The following PTGES3 variants were observed in gnomAD, a reference collection of about 807,000 sequenced individuals.
The protein encoded by PTGES3 is Hsp90 co-chaperone.
Under a neutral mutation model 29.9 loss-of-function variants are expected in PTGES3, and 5 were observed. The ratio of observed to expected loss-of-function variants is 0.17; its 90% CI spans 0.09 to 0.35. The LOEUF (loss-of-function observed/expected upper bound fraction) is 0.35. Among genes scored for constraint, PTGES3 ranks in the 10% least tolerant of loss-of-function variants. The pLI, the probability that PTGES3 is intolerant of heterozygous loss-of-function variation, is 1.00. For missense variants in PTGES3, 128 were observed against 190.0 expected, an observed-to-expected ratio of 0.67 and a Z score of 1.92; for synonymous variants, 49 against 57.8, an observed-to-expected ratio of 0.85 and a Z score of 0.69.
rs991527588 is a variant in PTGES3 at position 56,663,588 on chromosome 12, G to T, written c.*891C>A. On this transcript the variant is annotated 3_prime_UTR_variant, in exon 8 of 8. Coordinates refer to ENST00000262033, the MANE Select transcript of PTGES3 (RefSeq NM_006601.7). ...TTACAGTAAGCCAGACACTTAAAAGGACAGCCAAGAAGTCTTCCAACAGTT... is the reference window on the plus strand; with the variant it reads ...TTACAGTAAGCCAGACACTTAAAAGTACAGCCAAGAAGTCTTCCAACAGTT... 28 of 152,496 alleles carry T rather than the reference G, an allele frequency of 1.8e-4. No homozygotes were observed. The highest frequency in any genetic ancestry group is 6.3e-4 in the African/African-American group (26 of 41,388). 9.4% of individuals were successfully genotyped at this position (152,496 alleles called of 1,614,324 possible).
At chr12:56,676,145 G>GGGAGGTGGAGGTGGAGGT (rs1203507147) in intron 1 of PTGES3, among the ~76,000 whole-genome samples, 14 of 138,402 alleles carry the variant, frequency 1.0e-4, no homozygotes, top group African/African-American at 4.0e-4. Context: ...GAGGGGGAGG[G>GGGAGGTGGAGGTGGAGGT]GGAGGTGGAG....
intron 6 of PTGES3, chr12:56,665,595 A>C: frequency 1.0e-6 from 1 of 985,374 alleles, no homozygotes; most frequent in South Asian, 4.7e-5. Flanking sequence ...TCCTGACATA[A>C]AACCTATTTA....
At chr12:56,671,120 CT>C (rs1951986842) in intron 4 of PTGES3, among the ~76,000 whole-genome samples, 3 of 152,004 alleles carry the variant, frequency 2.0e-5, no homozygotes, top group Non-Finnish European at 4.4e-5. Flanking sequence ...AAAGACTAGG[CT>C]GGTGTCGTGG....
intron 1 of PTGES3, chr12:56,687,471 G>C: frequency 1.0e-6 from 1 of 990,162 alleles, no homozygotes; most frequent in Non-Finnish European, 1.2e-6. Context: ...CGTGGGCATG[G>C]CTTCCTTCTA....
intron 1 of PTGES3, among the ~76,000 whole-genome samples, chr12:56,686,577 A>T (rs373812753): frequency 8.6e-5 from 13 of 151,924 alleles, no homozygotes; most frequent in African/African-American, 3.1e-4. Context: ...CGGTTTCTCC[A>T]TGTTGGTCAG....
At chr12:56,687,381 C>CT (rs1952925888) in intron 1 of PTGES3, 1 of 987,566 alleles carries the variant, frequency 1.0e-6, no homozygotes, top group Admixed American at 6.1e-5. Flanking sequence ...CCCGTGTTTT[C>CT]AAGAGACTGG....
chr12:56,675,860 T>A (rs917424097), intron 1 of PTGES3, among the ~76,000 whole-genome samples: 6 of 151,692 alleles, frequency 4.0e-5, no homozygotes, highest in African/African-American at 1.5e-4. Flanking sequence ...GAGGTGGAGG[T>A]TGCAGTGAGC....
intron 1 of PTGES3, among the ~76,000 whole-genome samples, chr12:56,677,665 T>A (rs1269723276): frequency 1.3e-5 from 2 of 151,760 alleles, no homozygotes; most frequent in Non-Finnish European, 2.9e-5. Flanking sequence ...TTATTATTAT[T>A]ATTTTTTTTT....
At position 56,663,364 on chromosome 12, in the gene PTGES3, C is replaced by G. The variant is rs1951675475; in HGVS notation, c.*1115G>C. On this transcript the variant is annotated 3_prime_UTR_variant, in exon 8 of 8. Coordinates refer to ENST00000262033, the MANE Select transcript of PTGES3 (RefSeq NM_006601.7). ...AGTTCAAAGATTTAGGAGGACAACA[C>G]ATTTAGTTTTATTTCAATCAAATCA... The G allele has an allele frequency of 6.6e-6, 1 of 152,180 alleles. No homozygotes were observed. The highest frequency in any genetic ancestry group is 2.1e-4 in the South Asian group (1 of 4,836). 9.4% of individuals were successfully genotyped at this position (152,180 alleles called of 1,614,324 possible).
chr12:56,684,894 C>T (rs1214684730), intron 1 of PTGES3, among the ~76,000 whole-genome samples: 1 of 152,078 alleles, frequency 6.6e-6, no homozygotes, highest in East Asian at 1.9e-4. Flanking sequence ...ATGAGTAAAT[C>T]AAATGAGAAA....
chr12:56,682,183 G>A (rs1341927585), intron 1 of PTGES3, among the ~76,000 whole-genome samples: 1 of 152,110 alleles, frequency 6.6e-6, no homozygotes. Flanking sequence ...GGCTTCATGT[G>A]AATGAGCACC....
intron 1 of PTGES3, among the ~76,000 whole-genome samples, chr12:56,685,026 CAAG>C (rs933226578): frequency 2.0e-5 from 3 of 152,006 alleles, no homozygotes; most frequent in African/African-American, 4.8e-5. Flanking sequence ...GAGACTGAGG[CAAG>C]GAGGATCGCT....
In PTGES3 at chr12:56,664,805, AAGAGGGAAAATAAAGTTACCGAGCTGAT is replaced by A; in HGVS notation, c.439-33_439-6del. 1 of 1,598,324 alleles carries A rather than the reference AAGAGGGAAAATAAAGTTACCGAGCTGAT, an allele frequency of 6.3e-7. No individual in the cohort carries two copies. The highest frequency in any genetic ancestry group is 8.6e-7 in the Non-Finnish European group (1 of 1,168,982). On this transcript the variant is annotated splice_region_variant and splice_polypyrimidine_tract_variant and intron_variant, in intron 6 of 7. Coordinates refer to ENST00000262033, the MANE Select transcript of PTGES3 (RefSeq NM_006601.7). Reference sequence around the variant, plus strand: ...ATCATCACTGTCTTGTGAATCCTGAAAGAGGGAAAATAAAGTTACCGAGCTGATCAAATATTCGTTTGCTAACTGAACA... The same window carrying A: ...ATCATCACTGTCTTGTGAATCCTGAACAAATATTCGTTTGCTAACTGAACA...
chr12:56,685,715 T>G (rs1196616684), intron 1 of PTGES3, among the ~76,000 whole-genome samples: 1 of 151,376 alleles, frequency 6.6e-6, no homozygotes, highest in African/African-American at 2.4e-5. Flanking sequence ...GTAGCATTTT[T>G]ATTTTTTAAC....
At chr12:56,672,010 A>C (rs552553714) in intron 3 of PTGES3, among the ~76,000 whole-genome samples, 163 bp from the exon 4 acceptor site, 1 of 151,652 alleles carries the variant, frequency 6.6e-6, no homozygotes, top group African/African-American at 2.4e-5. Context: ...AACTGCCCCA[A>C]CCCCCTTTAA....
intron 5 of PTGES3, among the ~76,000 whole-genome samples, chr12:56,667,029 C>T (rs982076253): frequency 1.3e-5 from 2 of 152,196 alleles, no homozygotes; most frequent in African/African-American, 4.8e-5. Context: ...AAGGGAGTCT[C>T]CTGCCTCAGC....
intron 1 of PTGES3, among the ~76,000 whole-genome samples, chr12:56,674,626 A>C (rs1952141224): frequency 6.6e-6 from 1 of 151,876 alleles, no homozygotes; most frequent in Non-Finnish European, 1.5e-5. Flanking sequence ...GGAGATTGAG[A>C]CCATCCTGGC....
chr12:56,681,715 T>TGCG (rs1952551873), intron 1 of PTGES3, among the ~76,000 whole-genome samples: 1 of 149,148 alleles, frequency 6.7e-6, no homozygotes. Context: ...ATTAGCCAGG[T>TGCG]ACGGTGGCAT....
Position 56,670,278 on chromosome 12 carries a change from A to C in PTGES3, c.372T>G (p.Ser124=). ...DEDMSNFDRF[S]EMMNNMGGDE... ...AGGTCCATTTAAAGGAACTTACCTC[A>C]GAGAAACGATCAAAATTAGACATGT... The change falls in exon 5 of 8, where the codon TCT becomes TCG. Residue 124 remains serine, a synonymous_variant. Transcript: ENST00000262033. The C allele has an allele frequency of 6.2e-7, 1 of 1,608,118 alleles. No individual in the cohort carries two copies. Among genetic ancestry groups the C allele is most frequent in the Non-Finnish European group, 8.5e-7 (1 of 1,174,950 alleles).
Sources: allele counts gnomAD v4.1 joint callset (sites outside exome capture counted in the v4.1 genomes callset), GRCh38; gene constraint gnomAD v4.1.1; transcripts MANE v1.5; gene names NCBI Gene and HGNC (gene_info 2026-07-23, HGNC 2026-07-21).